TTI1: variants seen among roughly 807,000 people sequenced by gnomAD.
TTI1 encodes TELO2-interacting protein 1 homolog.
A neutral mutation model predicts 85.4 loss-of-function variants in TTI1; 52 were observed. That is an observed-to-expected ratio of 0.61 (90% CI 0.49 to 0.77). TTI1 has a LOEUF of 0.77. Among genes scored for constraint, TTI1 ranks in the 30% least tolerant of loss-of-function variants. The pLI is 0.00. For synonymous variants in TTI1, 512 were observed against 503.9 expected, an observed-to-expected ratio of 1.02 and a Z score of -0.22; for missense variants, 1,173 against 1,296.0, an observed-to-expected ratio of 0.91 and a Z score of 1.46.
At chr20:38,022,466 C>T (rs1159190312) in intron 1 of TTI1, among the ~76,000 whole-genome samples, 1 of 152,144 alleles carries the variant, frequency 6.6e-6, no homozygotes, top group African/African-American at 2.4e-5. Flanking sequence ...TTCTTAATTG[C>T]TTTTGGCACA....
chr20:37,983,329 A>C lies in TTI1; in HGVS notation c.*127T>G. On this transcript the variant is annotated 3_prime_UTR_variant, in exon 8 of 8. Coordinates refer to ENST00000373447, the MANE Select transcript of TTI1 (RefSeq NM_001303457.2). ...CAGTTGTGTGATCGATCAATTTATA[A>C]ATCGATTGGCTAACTAATTCACCTT... 1.1e-6 allele frequency: 1 copy of C among 895,380 alleles called. No individual in the cohort carries two copies. The highest frequency in any genetic ancestry group is 1.7e-5 in the South Asian group (1 of 57,474). 55.5% of individuals were successfully genotyped at this position (895,380 alleles called of 1,614,324 possible).
intron 7 of TTI1, among the ~76,000 whole-genome samples, chr20:37,989,503 G>A (rs570052754): frequency 6.6e-6 from 1 of 152,354 alleles, no homozygotes; most frequent in East Asian, 1.9e-4. Flanking sequence ...CCAGAATCTA[G>A]GAGGGTTTAC....
Position 37,986,636 on chromosome 20 carries a change from G to A in TTI1, c.3087-2997C>T, listed in dbSNP as rs373369574. Among the ~76,000 whole-genome samples, 3 of 152,316 alleles carry A rather than the reference G, an allele frequency of 2.0e-5. No individual in the cohort carries two copies. The East Asian group carries it at 5.8e-4, about 29-fold the overall frequency. On this transcript the variant is annotated intron_variant, in intron 7 of 7. Transcript: ENST00000373447. ...TGAACCTGTTTCCTCTTTCTCCAAA[G>A]ATGATCACACCTGGCCCACTCTCCT...
chr20:37,988,159 A>G (rs543685421), intron 7 of TTI1, among the ~76,000 whole-genome samples: 4 of 152,312 alleles, frequency 2.6e-5, no homozygotes, highest in Admixed American at 6.5e-5. Context: ...GGCCCATGGC[A>G]CACTGTTGCA....
intron 1 of TTI1, among the ~76,000 whole-genome samples, chr20:38,015,037 C>A (rs2073661111): frequency 6.6e-6 from 1 of 152,096 alleles, no homozygotes; most frequent in Non-Finnish European, 1.5e-5. Flanking sequence ...TCTTTTTTCT[C>A]TACTTGCTGG....
At chr20:38,020,326 ATATATATATATAT>A (rs2073751878) in intron 1 of TTI1, among the ~76,000 whole-genome samples, 1 of 77,590 alleles carries the variant, frequency 1.3e-5, no homozygotes, top group South Asian at 4.8e-4. Context: ...AAAAAAAAAT[ATATATATATATAT>A]ATATATATAT....
intron 2 of TTI1, among the ~76,000 whole-genome samples, chr20:38,007,046 A>G (rs538523848): frequency 6.6e-6 from 1 of 152,394 alleles, no homozygotes; most frequent in East Asian, 1.9e-4. Context: ...CCTTTAAACC[A>G]GCATTTTTTT....
At chr20:38,011,489 A>T (rs1307703451) in intron 2 of TTI1, 26 bp downstream of exon 2, 1 of 1,606,600 alleles carries the variant, frequency 6.2e-7, no homozygotes, top group Non-Finnish European at 8.5e-7. Flanking sequence ...CCCACACATC[A>T]GCATTAAAAA....
chr20:38,031,804 G>A lies in TTI1; in HGVS notation c.-42+1600C>T, dbSNP rs1318218136. ...TCTGCTATTTCCTAACTATGTCCAA[G>A]TACATAGGGTACTTAACCATGCTTT... On this transcript the variant is annotated intron_variant, in intron 1 of 7. Transcript: ENST00000373447. Among the ~76,000 whole-genome samples the A allele has an allele frequency of 2.0e-5, 3 of 152,204 alleles. No homozygotes were observed. The East Asian group carries it at 5.8e-4, about 29-fold the overall frequency.
At chr20:37,997,093 C>T (rs1219780870) in intron 5 of TTI1, 140 bp from the exon 6 acceptor site, 2 of 1,003,502 alleles carry the variant, frequency 2.0e-6, no homozygotes, top group Non-Finnish European at 2.8e-6. Flanking sequence ...ATTCCTTGCC[C>T]ATGGTTTGTG....
chr20:38,025,842 G>A (rs956266643), intron 1 of TTI1, among the ~76,000 whole-genome samples: 1 of 151,950 alleles, frequency 6.6e-6, no homozygotes, highest in African/African-American at 2.4e-5. Flanking sequence ...CAGAATGGAG[G>A]GAAGAAAAAA....
At position 37,983,553 on chromosome 20, in the gene TTI1, G is replaced by T; in HGVS notation, c.3173C>A (p.Pro1058His). 1.2e-6 allele frequency: 2 copies of T among 1,610,590 alleles called. No homozygotes were observed. Among genetic ancestry groups the T allele is most frequent in the Admixed American group, 3.4e-5 (2 of 59,564 alleles). Residue 1058 changes from proline (P) to histidine (H), a missense_variant, in exon 8 of 8, where the codon CCC becomes CAC. Physicochemically the swap from Pro to His is moderately conservative, Grantham distance 77. Coordinates refer to ENST00000373447, the MANE Select transcript of TTI1 (RefSeq NM_001303457.2). ...ELYCPVQFTPPHPSLHPVQLH... is the reference protein window; with the variant it reads ...ELYCPVQFTPHHPSLHPVQLH... Reference sequence around the variant, plus strand: ...CTGCACAGGGTGGAGGCTGGGGTGGGGAGGTGTGAACTGCACGGGGCAGTA... The same window carrying T: ...CTGCACAGGGTGGAGGCTGGGGTGGTGAGGTGTGAACTGCACGGGGCAGTA...
At chr20:38,021,343 C>A (rs907305971) in intron 1 of TTI1, among the ~76,000 whole-genome samples, 1 of 152,186 alleles carries the variant, frequency 6.6e-6, no homozygotes, top group Non-Finnish European at 1.5e-5. Context: ...AGTTGTGTGA[C>A]AATATGTCAA....
rs2073499682 is a variant in TTI1 at position 38,006,358 on chromosome 20, T to A, written c.2342A>T (p.Gln781Leu). 1 of 1,614,212 alleles carries A rather than the reference T, an allele frequency of 6.2e-7. No individual in the cohort carries two copies. Among genetic ancestry groups the A allele is most frequent in the Non-Finnish European group, 8.5e-7 (1 of 1,180,044 alleles). The change falls in exon 3 of 8, where the codon CAA (glutamine) becomes CTA (leucine). Residue 781 changes from glutamine (Q) to leucine (L), a missense_variant. By Grantham distance (113) the Gln-to-Leu change is moderately radical. Coordinates refer to ENST00000373447, the MANE Select transcript of TTI1 (RefSeq NM_001303457.2). The part of the protein sequence containing the change: ...FPDTGNLGHL[Q>L]EQSLGEEGSH... ...TCCCTCTTCTCCTAAACTTTGCTCT[T>A]GGAGGTGCCCAAGATTACCTGTGTC...
At chr20:38,021,165 C>A (rs921161112) in intron 1 of TTI1, among the ~76,000 whole-genome samples, 7 of 152,138 alleles carry the variant, frequency 4.6e-5, no homozygotes, top group Non-Finnish European at 8.8e-5. Flanking sequence ...TGAAGATTTA[C>A]CACAATCAGA....
intron 3 of TTI1, 144 bp from the exon 4 acceptor site, chr20:38,002,920 A>G (rs2073446871): frequency 7.9e-6 from 9 of 1,146,028 alleles, no homozygotes; most frequent in Non-Finnish European, 1.1e-5. Context: ...TCAAGGGGGA[A>G]TAGGTACAGA....
chr20:37,986,156 T>A (rs988976692), intron 7 of TTI1, among the ~76,000 whole-genome samples: 2 of 152,192 alleles, frequency 1.3e-5, no homozygotes, highest in African/African-American at 4.8e-5. Context: ...TTTGATTTTT[T>A]CCCCTTTCAA....
chr20:37,997,016 T>C (rs989018216), intron 5 of TTI1, 63 bp from the exon 6 acceptor site: 1 of 1,548,758 alleles, frequency 6.5e-7, no homozygotes, highest in Non-Finnish European at 8.8e-7. Flanking sequence ...AGCTAAAGAA[T>C]GCTTGGTAAT....
At chr20:38,008,334 G>A (rs1176536617) in intron 2 of TTI1, among the ~76,000 whole-genome samples, 1 of 152,066 alleles carries the variant, frequency 6.6e-6, no homozygotes, top group Non-Finnish European at 1.5e-5. Flanking sequence ...ATTCAATGCA[G>A]CATTTTTTGT....
Sources: gnomAD v4.1 joint callset for allele counts (sites outside exome capture counted in the v4.1 genomes callset) on GRCh38, gnomAD v4.1.1 for gene constraint, MANE v1.5 for transcripts, NCBI Gene and HGNC (gene_info 2026-07-23, HGNC 2026-07-21) for gene names.